MED25: variants seen among roughly 807,000 people sequenced by gnomAD.
MED25 encodes mediator complex subunit 25, also known as mediator of RNA polymerase II transcription subunit 25.
A neutral mutation model predicts 89.4 loss-of-function variants in MED25; 62 were observed. The observed-to-expected ratio is 0.69, with a 90% CI of 0.57 to 0.86. MED25 has a LOEUF of 0.86. Ranked by LOEUF, MED25 falls within the 40% of genes least tolerant of loss-of-function variation. The pLI is 0.00. For synonymous variants in MED25, 449 were observed against 427.9 expected, an observed-to-expected ratio of 1.05 and a Z score of -0.61; for missense variants, 905 against 1,005.2, an observed-to-expected ratio of 0.90 and a Z score of 1.35.
chr19:49,818,761 G>C, intron 2 of MED25, 145 bp downstream of exon 2: 1 of 829,044 alleles, frequency 1.2e-6, no homozygotes, highest in Non-Finnish European at 1.9e-6. Context: ...TCTGAGGGAG[G>C]AGGGCCTGGG....
rs561534872 is a variant in MED25 at position 49,829,073 on chromosome 19, G to A, written c.508G>A (p.Val170Met). The A allele has an allele frequency of 2.0e-5, 32 of 1,613,942 alleles. No individual in the cohort carries two copies. In the South Asian group the frequency reaches 2.9e-4, roughly 14 times the overall value. The part of the protein sequence containing the change: ...TYSGCTTENL[V>M]QQIGERGIHF... ...CTCTGGATGCACAACTGAGAATCTT[G>A]TGCAGCAGATTGGGGAGGTGAGGAC... Residue 170 changes from valine (V) to methionine (M), a missense_variant, in exon 5 of 18, where the codon GTG (valine) becomes ATG (methionine). Physicochemically the swap from Val to Met is conservative, Grantham distance 21. Coordinates refer to ENST00000312865, the MANE Select transcript of MED25 (RefSeq NM_030973.4). The surrounding 1 kb of genome is among the most constrained non-coding windows in gnomAD (Gnocchi z 4.6).
At position 49,818,616 on chromosome 19, in the gene MED25, C is replaced by A; in HGVS notation, c.180C>A (p.Asp60Glu). 6.2e-7 allele frequency: 1 copy of A among 1,613,774 alleles called. No individual in the cohort carries two copies. The highest frequency in any genetic ancestry group is 8.5e-7 in the Non-Finnish European group (1 of 1,179,834). ...CTGCTGAGACGGACTTCGGGGGAGA[C>A]GTGAGTCTAGGGACTCCTGGGCCTG... The part of the protein sequence containing the change: ...GPPAETDFGG[D>E]YGGTQYSLVV... The change falls in exon 2 of 18, where the codon GAC (aspartate) becomes GAA (glutamate). Residue 60 changes from aspartate to glutamate, a missense_variant and splice_region_variant. By Grantham distance (45) the Asp-to-Glu change is conservative. This residue lies in a region of MED25 where 501 missense variants were observed against 526.9 expected (regional missense o/e 0.95). Transcript: ENST00000312865.
intron 4 of MED25, 117 bp from the exon 5 acceptor site, chr19:49,828,853 G>C (rs973208926): frequency 2.6e-6 from 4 of 1,540,910 alleles, no homozygotes; most frequent in Non-Finnish European, 3.5e-6. Context: ...TAAAGTAGGG[G>C]CGTTGCTTCT....
intron 2 of MED25, chr19:49,818,833 G>C: frequency 1.6e-6 from 1 of 614,858 alleles, no homozygotes; most frequent in African/African-American, 1.9e-5. Context: ...GTCCGAGGGA[G>C]GAGGGAGCTA....
rs750812158 is a variant in MED25, at chr19:49,828,952, T to C, written c.405-18T>C. ...CCTCTGTTGCTGCTGGCTCCATGTC[T>C]TCTCTCTTTCCTGGTAGTGGCCAGA... On this transcript the variant is annotated intron_variant, in intron 4 of 17. Coordinates refer to ENST00000312865, the MANE Select transcript of MED25 (RefSeq NM_030973.4). 3.1e-6 allele frequency: 5 copies of C among 1,613,798 alleles called. No homozygotes were observed. In the Admixed American group the frequency reaches 6.7e-5, roughly 22 times the overall value.
rs115680887 is a variant in MED25 at position 49,829,298 on chromosome 19, C to T, written c.525+208C>T. On this transcript the variant is annotated intron_variant, in intron 5 of 17. Transcript: ENST00000312865. The surrounding 1 kb of genome is among the most constrained non-coding windows in gnomAD (Gnocchi z 4.6). ...TGACCAGCTTTGCTTACTCTCTTTT[C>T]GAAACAGTCTGGCTCTGTTACCCAG... Among the ~76,000 whole-genome samples, 403 of 152,190 alleles carry T rather than the reference C, an allele frequency of 2.6e-3. 3 individuals are homozygous for T. The highest frequency in any genetic ancestry group is 8.9e-3 in the African/African-American group (368 of 41,540).
At chr19:49,818,511 C>T (rs754392307) in intron 1 of MED25, 36 bp downstream of exon 1, 5 of 1,614,114 alleles carry the variant, frequency 3.1e-6, no homozygotes, top group African/African-American at 2.7e-5. Flanking sequence ...CCCCGCCCTC[C>T]CACTTCAGTT....
At chr19:49,824,856 G>A (rs1466502973) in intron 3 of MED25, among the ~76,000 whole-genome samples, 1 of 152,080 alleles carries the variant, frequency 6.6e-6, no homozygotes, top group Admixed American at 6.6e-5. Flanking sequence ...TTGACCTCCT[G>A]GGGCTCCAGG....
Position 49,836,265 on chromosome 19 carries a change from C to T in MED25, c.2005C>T (p.His669Tyr), listed in dbSNP as rs2074097330. 3 of 1,612,362 alleles carry T rather than the reference C, an allele frequency of 1.9e-6. No homozygotes were observed. The highest frequency in any genetic ancestry group is 1.1e-5 in the South Asian group (1 of 91,058). Reference protein sequence around the residue: ...GVPPPQASLHHLQPPGAPALL... With the variant: ...GVPPPQASLHYLQPPGAPALL... ...GCCCCCACCCCAGGCCTCCCTCCACCACCTCCAGCCACCAGGGGCTCCTGC... is the reference window on the plus strand; with the variant it reads ...GCCCCCACCCCAGGCCTCCCTCCACTACCTCCAGCCACCAGGGGCTCCTGC... The change falls in exon 17 of 18, where the codon CAC (histidine) becomes TAC (tyrosine). Residue 669 changes from histidine (H) to tyrosine (Y), a missense_variant. Around this residue, in one of 3 missense-constraint regions of MED25, gnomAD observed 271 missense variants for 258.1 expected, o/e 1.05. Coordinates refer to ENST00000312865, the MANE Select transcript of MED25 (RefSeq NM_030973.4). This position sits in a 1 kb window ranked among gnomAD's most constrained non-coding sequence, Gnocchi z 5.1.
downstream of MED25, chr19:49,839,786 C>T (rs893459003): frequency 1.3e-5 from 2 of 152,274 alleles, no homozygotes; most frequent in South Asian, 2.1e-4. Context: ...AGAGGTGGCC[C>T]GGACTGTATT....
In MED25 at chr19:49,831,563, G is replaced by A; in HGVS notation, c.1230+102G>A. On this transcript the variant is annotated intron_variant, in intron 10 of 17. Transcript: ENST00000312865. The surrounding 1 kb of genome is among the most constrained non-coding windows in gnomAD (Gnocchi z 5.0). ...AGATGCGTGGGGTCTGCAGTGCTGG[G>A]TTTGGAGGCATTCGTTGCGCTGGAC... 7.1e-7 allele frequency: 1 copy of A among 1,416,532 alleles called. No individual in the cohort carries two copies. The highest frequency in any genetic ancestry group is 9.6e-7 in the Non-Finnish European group (1 of 1,046,072). 87.7% of individuals were successfully genotyped at this position (1,416,532 alleles called of 1,614,324 possible).
chr19:49,837,763 T>G (rs1469577687), downstream of MED25, among the ~76,000 whole-genome samples: 1 of 151,996 alleles, frequency 6.6e-6, no homozygotes, highest in Admixed American at 6.5e-5. Context: ...TGTTGGGAGC[T>G]CAGGACGTGT....
chr19:49,839,023 T>G, downstream of MED25: 1 of 328,928 alleles, frequency 3.0e-6, no homozygotes, highest in South Asian at 2.4e-5. Flanking sequence ...CGTTGCACAG[T>G]GAGTTGGAGA....
At chr19:49,839,043 G>A (rs2074117923), downstream of MED25, 4 of 310,530 alleles carry the variant, frequency 1.3e-5, no homozygotes, top group South Asian at 1.1e-4. Context: ...ATAACTCGGG[G>A]GATTTACAAG....
At chr19:49,828,916 C>T in intron 4 of MED25, 54 bp from the exon 5 acceptor site, 2 of 1,611,308 alleles carry the variant, frequency 1.2e-6, no homozygotes, top group East Asian at 2.2e-5. Flanking sequence ...GGTCTGGGTT[C>T]CTTCTCAGGG....
chr19:49,837,072 CCTGGGGCCCTGGGTGAATGACG>C (rs1335522830), downstream of MED25: 25 of 801,020 alleles, frequency 3.1e-5, no homozygotes, highest in Non-Finnish European at 5.4e-5. Context: ...AGCAGACATC[CCTGGGGCCCTGGGTGAATGACG>C]CTGGGGCCTC....
intron 3 of MED25, among the ~76,000 whole-genome samples, chr19:49,824,878 C>T (rs979196495): frequency 6.6e-6 from 1 of 151,956 alleles, no homozygotes; most frequent in South Asian, 2.1e-4. Context: ...ACCTGTTAGC[C>T]GATGAAAGCG....
chr19:49,824,589 A>G lies in MED25; in HGVS notation c.306-3860A>G, dbSNP rs551465687. 7.3e-3 allele frequency among the ~76,000 whole-genome samples: 1,078 copies of G among 147,036 alleles called. 11 individuals are homozygous for G. Among genetic ancestry groups the G allele is most frequent in the African/African-American group, 0.022 (866 of 40,252 alleles). On this transcript the variant is annotated intron_variant, in intron 3 of 17. Coordinates refer to ENST00000312865, the MANE Select transcript of MED25 (RefSeq NM_030973.4). ...GAAAGAGCGAGACCCTGTCTCGGGA[A>G]AAAAAAAAAAAAAAAAGAGGTGGAA... is the stretch of plus-strand genomic sequence containing the variant.
At position 49,830,112 on chromosome 19, in the gene MED25, C is replaced by A; in HGVS notation, c.713C>A (p.Pro238His). 5 of 1,608,800 alleles carry A rather than the reference C, an allele frequency of 3.1e-6. No homozygotes were observed. Among genetic ancestry groups the A allele is most frequent in the Non-Finnish European group, 4.2e-6 (5 of 1,178,512 alleles). ...LPVGGGSAPG[P>H]LQSKQPVPLP... ...GTTGGGGGTGGCTCAGCCCCAGGCC[C>A]CCTCCAGTCAAAGCAGCCAGTCCCC... The change falls in exon 7 of 18, where the codon CCC becomes CAC. Residue 238 changes from proline to histidine, a missense_variant. Transcript: ENST00000312865. The surrounding 1 kb of genome is among the most constrained non-coding windows in gnomAD (Gnocchi z 4.6).
Sources: gnomAD v4.1 joint callset for allele counts (sites outside exome capture counted in the v4.1 genomes callset) on GRCh38, gnomAD v4.1.1 for gene constraint, gnomAD v4.1.1 regional missense constraint, Gnocchi (gnomAD v3.1) non-coding constraint, MANE v1.5 for transcripts, NCBI Gene and HGNC (gene_info 2026-07-23, HGNC 2026-07-21) for gene names.